Variants in PDE11A observed in about 807,000 individuals in gnomAD.
The protein encoded by PDE11A is dual 3',5'-cyclic-AMP and -GMP phosphodiesterase 11A.
A neutral mutation model predicts 100.5 loss-of-function variants in PDE11A; 100 were observed. The ratio of observed to expected loss-of-function variants is 1.00; its 90% confidence interval spans 0.85 to 1.18. The LOEUF is 1.18. Ranked by LOEUF, PDE11A falls within the 50% of genes most tolerant of loss-of-function variation. The pLI, the probability that PDE11A is intolerant of heterozygous loss-of-function variation, is 0.00. For synonymous variants in PDE11A, 381 were observed against 420.8 expected, an observed-to-expected ratio of 0.91 and a Z score of 1.16; for missense variants, 1,141 against 1,152.6, an observed-to-expected ratio of 0.99 and a Z score of 0.15.
Position 177,811,115 on chromosome 2 carries a change from T to A in PDE11A, c.1737+5714A>T, listed in dbSNP as rs1434713885. On this transcript the variant is annotated intron_variant, in intron 9 of 19. Coordinates refer to ENST00000286063, the MANE Select transcript of PDE11A (RefSeq NM_016953.4). ...CACCCCAAAGGACAGTTCCTGATGT[T>A]CAAAATGAGGAAGTTATATTCTACA... 2.6e-5 allele frequency among the ~76,000 whole-genome samples: 4 copies of A among 152,202 alleles called. No homozygotes were observed. In the East Asian group the frequency reaches 5.8e-4, roughly 22 times the overall value.
chr2:177,852,675 T>C (rs576171192), intron 5 of PDE11A, among the ~76,000 whole-genome samples: 2 of 152,320 alleles, frequency 1.3e-5, no homozygotes, highest in East Asian at 3.9e-4. Context: ...AATCTTTTAA[T>C]GGCTTAAGTA....
At chr2:177,989,436 G>A (rs1203085756) in intron 2 of PDE11A, among the ~76,000 whole-genome samples, 1 of 152,198 alleles carries the variant, frequency 6.6e-6, no homozygotes, top group Non-Finnish European at 1.5e-5. Flanking sequence ...CATTTCCTCT[G>A]TAAAACAGAG....
chr2:178,093,113 A>T (rs1048813732), intron 2 of PDE11A: 1 of 152,248 alleles, frequency 6.6e-6, no homozygotes, highest in East Asian at 1.9e-4. Flanking sequence ...GACCTATAAG[A>T]AATTTCCAAA....
At chr2:177,966,714 A>G (rs1180940243) in intron 2 of PDE11A, among the ~76,000 whole-genome samples, 1 of 152,178 alleles carries the variant, frequency 6.6e-6, no homozygotes, top group African/African-American at 2.4e-5. Flanking sequence ...CTACTTGGTC[A>G]TAGTGGATTA....
chr2:177,925,300 T>A (rs559097318), intron 2 of PDE11A, among the ~76,000 whole-genome samples: 3 of 151,986 alleles, frequency 2.0e-5, no homozygotes, highest in Non-Finnish European at 4.4e-5. Flanking sequence ...CTGAGGAATC[T>A]CCACACTGAC....
At chr2:177,634,210 G>A (rs1166907023) in intron 19 of PDE11A, among the ~76,000 whole-genome samples, 1 of 151,876 alleles carries the variant, frequency 6.6e-6, no homozygotes, top group Non-Finnish European at 1.5e-5. Context: ...TCCTTTGTAT[G>A]GAATAAAGAA....
chr2:178,029,744 T>A (rs957636174), intron 1 of PDE11A, among the ~76,000 whole-genome samples: 2 of 152,218 alleles, frequency 1.3e-5, no homozygotes, highest in African/African-American at 4.8e-5. Context: ...TAAATGTTTT[T>A]CCCCCTCAAA....
chr2:177,672,813 C>T (rs1250305304), intron 17 of PDE11A, among the ~76,000 whole-genome samples: 2 of 152,102 alleles, frequency 1.3e-5, no homozygotes, highest in Non-Finnish European at 2.9e-5. Context: ...CTTCTCAATT[C>T]CAAACTATGA....
chr2:177,738,153 A>T (rs2081820960), intron 10 of PDE11A, among the ~76,000 whole-genome samples: 2 of 152,028 alleles, frequency 1.3e-5, no homozygotes, highest in African/African-American at 4.8e-5. Flanking sequence ...TTTATACATC[A>T]GTGGGGCAGT....
intron 15 of PDE11A, chr2:177,687,930 G>A (rs902711339): frequency 3.9e-5 from 6 of 152,164 alleles, no homozygotes; most frequent in East Asian, 3.8e-4. Flanking sequence ...TACTACCGTG[G>A]TATTTGCCAG....
chr2:177,784,071 G>C (rs2082494882), intron 9 of PDE11A, among the ~76,000 whole-genome samples: 1 of 151,810 alleles, frequency 6.6e-6, no homozygotes, highest in South Asian at 2.1e-4. Flanking sequence ...TCCTGTTCAG[G>C]ATGAAGCAGT....
intron 2 of PDE11A, among the ~76,000 whole-genome samples, chr2:177,913,375 T>C (rs1024431203): frequency 9.2e-5 from 14 of 152,174 alleles, no homozygotes; most frequent in African/African-American, 2.7e-4. Flanking sequence ...ATATTCTAAA[T>C]GCTTTACTAA....
chr2:178,073,136 A>T, upstream of PDE11A: 1 of 905,906 alleles, frequency 1.1e-6, no homozygotes, highest in Non-Finnish European at 1.3e-6. Context: ...GATGTTTTGC[A>T]GGGATCTGAA....
intron 1 of PDE11A, among the ~76,000 whole-genome samples, chr2:178,060,946 T>A (rs1281163309): frequency 7.2e-6 from 1 of 138,464 alleles, no homozygotes; most frequent in Admixed American, 7.3e-5. Context: ...TCTTTTTTTT[T>A]TTTTTTTTTT....
intron 4 of PDE11A, chr2:177,888,747 C>T (rs754559100): frequency 2.8e-4 from 179 of 633,944 alleles, no homozygotes; most frequent in Non-Finnish European, 3.3e-4. Context: ...CACAGACAAA[C>T]ATCAGGCTTG....
At chr2:177,815,778 T>C (rs891708405) in intron 9 of PDE11A, among the ~76,000 whole-genome samples, 1 of 152,240 alleles carries the variant, frequency 6.6e-6, no homozygotes, top group African/African-American at 2.4e-5. Context: ...ACTTCTTATA[T>C]CTGGCTTGAC....
intron 10 of PDE11A, among the ~76,000 whole-genome samples, chr2:177,768,742 GTTAAGAAC>G (rs1440902032): frequency 6.6e-6 from 1 of 152,176 alleles, no homozygotes; most frequent in Non-Finnish European, 1.5e-5. Context: ...AAGCATGGTG[GTTAAGAAC>G]TCCAGTTCTG....
At chr2:177,847,036 C>G (rs992722189) in intron 5 of PDE11A, among the ~76,000 whole-genome samples, 1 of 152,160 alleles carries the variant, frequency 6.6e-6, no homozygotes, top group Non-Finnish European at 1.5e-5. Flanking sequence ...CACCCATGAT[C>G]ATCCACCTAA....
At position 178,072,771 on chromosome 2, in the gene PDE11A, T is replaced by C; in HGVS notation, c.-334A>G. On this transcript the variant is annotated 5_prime_UTR_variant, in exon 1 of 20. Coordinates refer to ENST00000286063, the MANE Select transcript of PDE11A (RefSeq NM_016953.4). The stretch of plus-strand genomic sequence containing the variant: ...CCGCCGCTGCTGCTGGAACTGCTGC[T>C]GTAACCGGATGAGTGGACCGCTGTG... 7.9e-7 allele frequency: 1 copy of C among 1,267,134 alleles called. No homozygotes were observed. The highest frequency in any genetic ancestry group is 1.0e-6 in the Non-Finnish European group (1 of 994,810). 78.5% of individuals were successfully genotyped at this position (1,267,134 alleles called of 1,614,324 possible). A position where few individuals can be genotyped will look rare whatever the true frequency, so the allele number is the denominator to read the frequency against.
Sources: allele counts gnomAD v4.1 joint callset (sites outside exome capture counted in the v4.1 genomes callset), GRCh38; gene constraint gnomAD v4.1.1; transcripts MANE v1.5; gene names NCBI Gene and HGNC (gene_info 2026-07-23, HGNC 2026-07-21).